The following SWAP70 variants were observed in gnomAD, a reference collection of about 807,000 sequenced individuals.
SWAP70 encodes switch-associated protein 70.
A neutral mutation model predicts 80.2 loss-of-function variants in SWAP70; 34 were observed. The observed-to-expected ratio is 0.42, with a 90% CI of 0.32 to 0.56. The LOEUF (loss-of-function observed/expected upper bound fraction) is 0.56, where lower values mean the gene tolerates loss of function less well. SWAP70 is among the 20% of genes least tolerant of loss of function. The probability of loss-of-function intolerance (pLI) is 0.09; values close to 1 mark genes in which losing one functional copy is unlikely to be tolerated. For missense variants in SWAP70, 578 were observed against 690.7 expected, an observed-to-expected ratio of 0.84 and a Z score of 1.83; for synonymous variants, 239 against 238.5, an observed-to-expected ratio of 1.00 and a Z score of -0.02.
intron 2 of SWAP70, among the ~76,000 whole-genome samples, chr11:9,695,586 CAG>C (rs989543359): frequency 1.5e-5 from 2 of 134,792 alleles, no homozygotes; most frequent in African/African-American, 2.9e-5. Flanking sequence ...CACATGAACA[CAG>C]AGGGGGGAAC....
In SWAP70 at chr11:9,716,912, A is replaced by C. The variant is rs974912739; in HGVS notation, c.414+3273A>C. 3.3e-5 allele frequency among the ~76,000 whole-genome samples: 5 copies of C among 152,192 alleles called. No homozygotes were observed. The South Asian group carries it at 1.0e-3, about 32-fold the overall frequency. On this transcript the variant is annotated intron_variant, in intron 3 of 11. Transcript: ENST00000318950. ...AGCAGAAAGAGGAAGTCGATTTGGC[A>C]AAGGAAGCTGAATTGAACACGCTAT...
chr11:9,667,477 C>T (rs1590003277), intron 1 of SWAP70, among the ~76,000 whole-genome samples: 1 of 152,000 alleles, frequency 6.6e-6, no homozygotes, highest in South Asian at 2.1e-4. Flanking sequence ...GTGTTGAACT[C>T]CTGAGCTCAA....
chr11:9,740,505 C>T (rs779270664), intron 9 of SWAP70, 158 bp downstream of exon 9: 16 of 754,844 alleles, frequency 2.1e-5, no homozygotes, highest in African/African-American at 1.6e-4. Flanking sequence ...TGTGGAGACT[C>T]GACCGGCTGG....
chr11:9,746,475 A>G (rs554586052), intron 9 of SWAP70, among the ~76,000 whole-genome samples: 27 of 152,388 alleles, frequency 1.8e-4, no homozygotes, highest in African/African-American at 6.3e-4. Flanking sequence ...CTGAGTGAAT[A>G]AACTCTGCAC....
In SWAP70 at chr11:9,664,129, C is replaced by A; in HGVS notation, c.-51C>A. On this transcript the variant is annotated 5_prime_UTR_variant, in exon 1 of 12. Coordinates refer to ENST00000318950, the MANE Select transcript of SWAP70 (RefSeq NM_015055.4). ...CGGAGGTTGAGGGGCGTCCGAGGCG[C>A]GGAGGGGCTGGCTGGGCAGGAGGGG... 1 of 1,508,488 alleles carries A rather than the reference C, an allele frequency of 6.6e-7. No individual in the cohort carries two copies. The highest frequency in any genetic ancestry group is 2.7e-5 in the East Asian group (1 of 36,452). 93.4% of individuals were successfully genotyped at this position (1,508,488 alleles called of 1,614,324 possible).
intron 2 of SWAP70, among the ~76,000 whole-genome samples, chr11:9,697,405 C>T (rs1414597447): frequency 6.6e-6 from 1 of 151,800 alleles, no homozygotes; most frequent in Non-Finnish European, 1.5e-5. Flanking sequence ...GGCTTAGCCT[C>T]CTGAGTAGCT....
intron 3 of SWAP70, among the ~76,000 whole-genome samples, chr11:9,717,982 A>G (rs1477882256): frequency 6.6e-6 from 1 of 152,232 alleles, no homozygotes; most frequent in Non-Finnish European, 1.5e-5. Flanking sequence ...TGTGCCTAAG[A>G]AACTCAAAAG....
chr11:9,745,483 T>C (rs1851500734), intron 9 of SWAP70, among the ~76,000 whole-genome samples: 2 of 152,236 alleles, frequency 1.3e-5, no homozygotes, highest in Admixed American at 6.5e-5. Flanking sequence ...AAGTACAGGA[T>C]CCAGGAGACT....
At chr11:9,696,745 G>A (rs1466160403) in intron 2 of SWAP70, among the ~76,000 whole-genome samples, 4 of 152,144 alleles carry the variant, frequency 2.6e-5, no homozygotes, top group Admixed American at 2.6e-4. Context: ...TCAAAAGTTT[G>A]TGAATTCCTC....
chr11:9,671,597 T>TAA (rs1850396398), intron 1 of SWAP70, among the ~76,000 whole-genome samples: 1 of 19,264 alleles, frequency 5.2e-5, no homozygotes, highest in Admixed American at 1.0e-3. Context: ...TATATATAAA[T>TAA]ATATTTATAT....
At chr11:9,742,411 A>C (rs1171885890) in intron 9 of SWAP70, among the ~76,000 whole-genome samples, 1 of 151,216 alleles carries the variant, frequency 6.6e-6, no homozygotes, top group Non-Finnish European at 1.5e-5. Flanking sequence ...ATCTCGGCTC[A>C]CTGCAATCTC....
intron 9 of SWAP70, among the ~76,000 whole-genome samples, chr11:9,742,254 C>T (rs1851450136): frequency 6.6e-6 from 1 of 152,050 alleles, no homozygotes; most frequent in Non-Finnish European, 1.5e-5. Context: ...GTGCAAAGGG[C>T]ATTTTATGAA....
chr11:9,677,710 C>G (rs1215283327), intron 1 of SWAP70, among the ~76,000 whole-genome samples: 1 of 152,034 alleles, frequency 6.6e-6, no homozygotes, highest in Non-Finnish European at 1.5e-5. Flanking sequence ...AACTCATTGT[C>G]TGTGCATTTT....
chr11:9,680,873 A>G (rs980348321), intron 1 of SWAP70: 1 of 152,210 alleles, frequency 6.6e-6, no homozygotes, highest in South Asian at 2.1e-4. Context: ...ACAGTTGCAG[A>G]CAAAGTTTCA....
At chr11:9,684,462 T>G (rs186371707) in intron 1 of SWAP70, among the ~76,000 whole-genome samples, 130 of 152,294 alleles carry the variant, frequency 8.5e-4, no homozygotes, top group African/African-American at 2.9e-3. Flanking sequence ...AAATTAAACT[T>G]CTAAGGAGGT....
chr11:9,705,702 A>G (rs1408667230), intron 2 of SWAP70, among the ~76,000 whole-genome samples: 1 of 142,330 alleles, frequency 7.0e-6, no homozygotes, highest in Non-Finnish European at 1.5e-5. Flanking sequence ...TGCACTGGTG[A>G]TCTGTATACA....
intron 9 of SWAP70, among the ~76,000 whole-genome samples, chr11:9,743,652 G>A (rs1427135907): frequency 6.6e-6 from 1 of 151,730 alleles, no homozygotes; most frequent in East Asian, 1.9e-4. Context: ...GATGGCCAGT[G>A]ATGGTGAGCA....
intron 2 of SWAP70, among the ~76,000 whole-genome samples, chr11:9,696,635 A>T (rs1300633367): frequency 6.6e-6 from 1 of 152,180 alleles, no homozygotes; most frequent in East Asian, 1.9e-4. Flanking sequence ...TTATGTGACC[A>T]GTAGGATATA....
At chr11:9,749,833 T>C (rs1401743767) in intron 11 of SWAP70, 31 bp from the exon 12 acceptor site, 2 of 1,373,292 alleles carry the variant, frequency 1.5e-6, no homozygotes, top group African/African-American at 1.4e-5. Flanking sequence ...AATATAATAC[T>C]TCCTGTATTT....
Sources: gnomAD v4.1 joint callset for allele counts (sites outside exome capture counted in the v4.1 genomes callset) on GRCh38, gnomAD v4.1.1 for gene constraint, MANE v1.5 for transcripts, NCBI Gene and HGNC (gene_info 2026-07-23, HGNC 2026-07-21) for gene names.